LHFPL2: variants seen among roughly 807,000 people sequenced by gnomAD.
LHFPL2 encodes the protein LHFPL tetraspan subfamily member 2 protein.
Under a neutral mutation model 17.5 loss-of-function variants are expected in LHFPL2, and 7 were observed. That is an observed-to-expected ratio of 0.40 (90% CI 0.23 to 0.75). LHFPL2 has a LOEUF of 0.75. Among genes scored for constraint, LHFPL2 ranks in the 30% least tolerant of loss-of-function variants. The probability of loss-of-function intolerance (pLI) is 0.37; values close to 1 mark genes in which losing one functional copy is unlikely to be tolerated. For synonymous variants in LHFPL2, 134 were observed against 116.2 expected, an observed-to-expected ratio of 1.15 and a Z score of -0.99; for missense variants, 241 against 294.8, an observed-to-expected ratio of 0.82 and a Z score of 1.34.
At chr5:78,505,834 A>G (rs1580753618) in intron 4 of LHFPL2, among the ~76,000 whole-genome samples, 1 of 152,258 alleles carries the variant, frequency 6.6e-6, no homozygotes, top group African/African-American at 2.4e-5. Context: ...CCTTTCTCAT[A>G]TATTATCTAA....
intron 2 of LHFPL2, among the ~76,000 whole-genome samples, chr5:78,626,949 T>C (rs887324023): frequency 5.3e-5 from 8 of 151,842 alleles, no homozygotes; most frequent in East Asian, 1.9e-4. Context: ...GGCATGGTGG[T>C]ACGCGCCTGT....
chr5:78,536,821 C>T (rs371719407), intron 3 of LHFPL2, among the ~76,000 whole-genome samples: 100 of 152,290 alleles, frequency 6.6e-4, no homozygotes, highest in South Asian at 5.4e-3. Flanking sequence ...GCAGCAAAAA[C>T]GTTATAGGAT....
chr5:78,609,332 T>C (rs942222478), intron 2 of LHFPL2, among the ~76,000 whole-genome samples: 3 of 151,256 alleles, frequency 2.0e-5, no homozygotes, highest in African/African-American at 7.3e-5. Context: ...AGGCCTGTAA[T>C]CCCAGCTATT....
intron 4 of LHFPL2, among the ~76,000 whole-genome samples, chr5:78,496,823 G>T (rs1041171613): frequency 6.6e-6 from 1 of 152,190 alleles, no homozygotes; most frequent in Non-Finnish European, 1.5e-5. Context: ...GTTCTTTGCT[G>T]CTCCCCCTTT....
In LHFPL2 at chr5:78,585,636, G is replaced by A. The variant is rs573213958; in HGVS notation, c.-244-20765C>T. ...TTCAGCCATCTTGGCTCCTCCTCCC[G>A]CTCTCAAGGTTTTAGTTGAGAGCAC... On this transcript the variant is annotated intron_variant, in intron 2 of 4. Transcript: ENST00000380345. 4.6e-5 allele frequency among the ~76,000 whole-genome samples: 7 copies of A among 152,140 alleles called. No individual in the cohort carries two copies. The South Asian group carries it at 6.2e-4, about 14-fold the overall frequency.
intron 3 of LHFPL2, among the ~76,000 whole-genome samples, chr5:78,517,281 G>A (rs763283354): frequency 3.9e-5 from 6 of 152,068 alleles, no homozygotes; most frequent in Non-Finnish European, 7.4e-5. Flanking sequence ...GAGCTCTTTT[G>A]ACCCCCATGC....
At chr5:78,498,116 G>C (rs1561306031) in intron 4 of LHFPL2, among the ~76,000 whole-genome samples, 1 of 152,198 alleles carries the variant, frequency 6.6e-6, no homozygotes. Flanking sequence ...TTGTGAAAGA[G>C]GCAGGGTGGT....
At chr5:78,597,548 C>T (rs57208874) in intron 2 of LHFPL2, among the ~76,000 whole-genome samples, 3,368 of 152,194 alleles carry the variant, frequency 0.022, 121 homozygotes, top group African/African-American at 0.077. Flanking sequence ...GGTGAACTGA[C>T]GTAGCAGATT....
chr5:78,607,176 T>C (rs1744247035), intron 2 of LHFPL2, among the ~76,000 whole-genome samples: 1 of 151,982 alleles, frequency 6.6e-6, no homozygotes, highest in Non-Finnish European at 1.5e-5. Context: ...AATGGCATGA[T>C]CTCAGCTCAC....
chr5:78,625,587 A>G (rs2112505738), intron 2 of LHFPL2: 1 of 152,292 alleles, frequency 6.6e-6, no homozygotes, highest in South Asian at 2.1e-4. Context: ...TCTAACCTAT[A>G]TATAATCTCA....
At chr5:78,547,509 T>A (rs1157213566) in intron 3 of LHFPL2, among the ~76,000 whole-genome samples, 1 of 152,216 alleles carries the variant, frequency 6.6e-6, no homozygotes, top group South Asian at 2.1e-4. Context: ...CACTGAGCAG[T>A]GGCATGGAAA....
chr5:78,614,676 A>G (rs745762063), intron 2 of LHFPL2, among the ~76,000 whole-genome samples: 1 of 152,250 alleles, frequency 6.6e-6, no homozygotes, highest in African/African-American at 2.4e-5. Context: ...AAGAGCATCA[A>G]TACAGCTCAT....
chr5:78,537,670 C>T (rs1306176621), intron 3 of LHFPL2, among the ~76,000 whole-genome samples: 1 of 152,210 alleles, frequency 6.6e-6, no homozygotes, highest in African/African-American at 2.4e-5. Context: ...AGTAACAGAA[C>T]ACTAACATGT....
chr5:78,488,655 C>A lies in LHFPL2; in HGVS notation c.*242G>T. ...GGAGATGGAGTCTGACAGAACTTGG[C>A]AACTCCAGGTCTAGGATTATATACT... On this transcript the variant is annotated 3_prime_UTR_variant, in exon 5 of 5. Coordinates refer to ENST00000380345, the MANE Select transcript of LHFPL2 (RefSeq NM_005779.3). 2.0e-6 allele frequency: 1 copy of A among 501,506 alleles called. No homozygotes were observed. The highest frequency in any genetic ancestry group is 3.2e-5 in the Admixed American group (1 of 30,796). 31.1% of individuals were successfully genotyped at this position (501,506 alleles called of 1,614,324 possible).
intron 3 of LHFPL2, among the ~76,000 whole-genome samples, chr5:78,519,390 G>C (rs1320078434): frequency 6.6e-6 from 1 of 152,188 alleles, no homozygotes; most frequent in Non-Finnish European, 1.5e-5. Context: ...CTGGGTTCCA[G>C]TATAACATGG....
At position 78,604,819 on chromosome 5, in the gene LHFPL2, A is replaced by G. The variant is rs116781590; in HGVS notation, c.-245+27445T>C. Among the ~76,000 whole-genome samples the G allele has an allele frequency of 3.4e-3, 516 of 152,342 alleles. 4 individuals carry two copies. The highest frequency in any genetic ancestry group is 0.012 in the African/African-American group (502 of 41,580). On this transcript the variant is annotated intron_variant, in intron 2 of 4. Coordinates refer to ENST00000380345, the MANE Select transcript of LHFPL2 (RefSeq NM_005779.3). ...GTTCTACATCAGTGCTGCTCAGAAA[A>G]CATTCCTTTAATCCTTTTGTTTATT...
intron 2 of LHFPL2, among the ~76,000 whole-genome samples, chr5:78,607,815 A>G (rs909155140): frequency 1.3e-5 from 2 of 152,216 alleles, no homozygotes. Context: ...GAAGGTACCT[A>G]TGCATCTTGC....
rs574023863 is a variant in LHFPL2 at position 78,566,600 on chromosome 5, G to C, written c.-244-1729C>G. 3.0e-3 allele frequency among the ~76,000 whole-genome samples: 456 copies of C among 152,184 alleles called. 3 individuals are homozygous for C. The highest frequency in any genetic ancestry group is 0.01 in the African/African-American group (435 of 41,524). On this transcript the variant is annotated intron_variant, in intron 2 of 4. Coordinates refer to ENST00000380345, the MANE Select transcript of LHFPL2 (RefSeq NM_005779.3). ...AGCCTCCTGAGTAGCTGGGATTACA[G>C]GCATGTGCCACCACCTCCAGCTAAT...
chr5:78,559,086 C>T (rs1756657661), intron 3 of LHFPL2, among the ~76,000 whole-genome samples: 2 of 152,324 alleles, frequency 1.3e-5, no homozygotes, highest in Non-Finnish European at 2.9e-5. Context: ...CCTTTTAGTC[C>T]TCATCATTTC....
Sources: gnomAD v4.1 joint callset for allele counts (sites outside exome capture counted in the v4.1 genomes callset) on GRCh38, gnomAD v4.1.1 for gene constraint, MANE v1.5 for transcripts, NCBI Gene and HGNC (gene_info 2026-07-23, HGNC 2026-07-21) for gene names.